The following CSMD1 variants were observed in gnomAD, a reference collection of about 807,000 sequenced individuals.
The protein encoded by CSMD1 is CUB and sushi domain-containing protein 1.
Under a neutral mutation model 417.5 loss-of-function variants are expected in CSMD1, and 213 were observed. The ratio of observed to expected loss-of-function variants is 0.51; its 90% CI spans 0.46 to 0.57. The LOEUF is 0.57. Among genes scored for constraint, CSMD1 ranks in the 20% least tolerant of loss-of-function variants. The pLI is 0.00. For synonymous variants in CSMD1, 2,862 were observed against 1,736.8 expected (o/e 1.65, Z -16.11); for missense variants, 6,923 against 4,529.7 (o/e 1.53, Z -15.17).
At chr8:4,947,039 A>G (rs1808416300) in intron 1 of CSMD1, among the ~76,000 whole-genome samples, 1 of 152,206 alleles carries the variant, frequency 6.6e-6, no homozygotes, top group African/African-American at 2.4e-5. Context: ...TTCTTTTACC[A>G]GTAGTATTGT....
At position 4,671,339 on chromosome 8, in the gene CSMD1, T is replaced by C. The variant is rs565313647; in HGVS notation, c.86-33781A>G. ...CTTTATTCTTGTTTTTTAAACCTAA[T>C]TGATGCTGTTTATCTACTTAAAAAA... On this transcript the variant is annotated intron_variant, in intron 1 of 69. Coordinates refer to ENST00000635120, the MANE Select transcript of CSMD1 (RefSeq NM_033225.6). Among the ~76,000 whole-genome samples, 83 of 152,204 alleles carry C rather than the reference T, an allele frequency of 5.5e-4. 1 individual carries two copies. The South Asian group carries it at 0.017, about 30-fold the overall frequency.
At chr8:3,884,693 A>G (rs1806435714) in intron 5 of CSMD1, among the ~76,000 whole-genome samples, 1 of 152,100 alleles carries the variant, frequency 6.6e-6, no homozygotes, top group African/African-American at 2.4e-5. Context: ...TAATTTTAGT[A>G]CTAACTCAAC....
intron 8 of CSMD1, chr8:3,613,330 C>A: frequency 2.4e-6 from 1 of 413,612 alleles, no homozygotes; most frequent in South Asian, 1.8e-5. Context: ...TTATTCCAAA[C>A]ATTTAGCAAT....
At chr8:3,892,349 C>T (rs1199593038) in intron 5 of CSMD1, among the ~76,000 whole-genome samples, 1 of 152,070 alleles carries the variant, frequency 6.6e-6, no homozygotes, top group East Asian at 1.9e-4. Context: ...TTCAAGAAGA[C>T]GTGTGGGGAA....
At chr8:3,252,212 T>A (rs944607820) in intron 26 of CSMD1, among the ~76,000 whole-genome samples, 3 of 152,184 alleles carry the variant, frequency 2.0e-5, no homozygotes, top group African/African-American at 7.2e-5. Flanking sequence ...CATAGATAGC[T>A]CTTATTATTT....
rs563741305 is a variant in CSMD1, at chr8:3,385,142, AATAT to A, written c.2782+2348_2782+2351del. 3.2e-4 allele frequency among the ~76,000 whole-genome samples: 43 copies of A among 135,138 alleles called. No individual in the cohort carries two copies. In the South Asian group the frequency reaches 6.9e-3, roughly 22 times the overall value. The allele number at this position is 135,138 out of a possible 152,430, so 88.7% of individuals were successfully genotyped here. On this transcript the variant is annotated intron_variant, in intron 18 of 69. Transcript: ENST00000635120. ...TATAATATATAAATATATAATACAT[AATAT>A]ATAAATATATAATACATAATATATA...
At chr8:4,168,530 G>C (rs189295995) in intron 3 of CSMD1, among the ~76,000 whole-genome samples, 3 of 152,140 alleles carry the variant, frequency 2.0e-5, no homozygotes, top group Admixed American at 2.0e-4. Flanking sequence ...ATAAGTTACA[G>C]ACACAGAACA....
intron 2 of CSMD1, among the ~76,000 whole-genome samples, chr8:4,484,250 G>T (rs547074038): frequency 5.3e-5 from 8 of 151,762 alleles, no homozygotes; most frequent in African/African-American, 1.7e-4. Context: ...AAATTCTATG[G>T]AAGGATTTTC....
At chr8:3,407,435 G>C (rs1812420508) in intron 14 of CSMD1, among the ~76,000 whole-genome samples, 1 of 149,514 alleles carries the variant, frequency 6.7e-6, no homozygotes, top group South Asian at 2.1e-4. Flanking sequence ...ATGGATAGAT[G>C]GAAGGATGGA....
intron 2 of CSMD1, among the ~76,000 whole-genome samples, chr8:4,494,711 A>T (rs1801892862): frequency 6.6e-6 from 1 of 152,144 alleles, no homozygotes; most frequent in Non-Finnish European, 1.5e-5. Context: ...AATTCCAGTC[A>T]GTTGGGTTAA....
rs149805751 is a variant in CSMD1, at chr8:4,439,348, G to C, written c.303-19283C>G. Among the ~76,000 whole-genome samples, 1,075 of 152,130 alleles carry C rather than the reference G, an allele frequency of 7.1e-3. 16 individuals carry two copies. Among genetic ancestry groups the C allele is most frequent in the African/African-American group, 0.024 (1,009 of 41,514 alleles). On this transcript the variant is annotated intron_variant, in intron 2 of 69. Transcript: ENST00000635120. ...TTAAATATAATTATTCAAAATTAAA[G>C]AAATTGTGAGATATTACTATACAAC... is the stretch of plus-strand genomic sequence containing the variant.
At chr8:4,831,450 C>T (rs1800142422) in intron 1 of CSMD1, among the ~76,000 whole-genome samples, 1 of 152,202 alleles carries the variant, frequency 6.6e-6, no homozygotes, top group African/African-American at 2.4e-5. Flanking sequence ...GGAGTACATT[C>T]TATGTGCCAA....
intron 26 of CSMD1, among the ~76,000 whole-genome samples, chr8:3,267,937 A>C (rs1043043266): frequency 2.6e-5 from 4 of 152,098 alleles, no homozygotes; most frequent in African/African-American, 9.7e-5. Flanking sequence ...AGAGCCTCAG[A>C]AATGAGGATT....
intron 10 of CSMD1, 23 bp downstream of exon 10, chr8:3,574,922 A>G (rs1196509282): frequency 6.2e-7 from 1 of 1,610,330 alleles, no homozygotes; most frequent in Non-Finnish European, 8.5e-7. Flanking sequence ...CATTAACCAC[A>G]GGGGTTGGAG....
intron 1 of CSMD1, among the ~76,000 whole-genome samples, chr8:4,866,576 A>G (rs372825634): frequency 3.3e-5 from 5 of 151,938 alleles, no homozygotes; most frequent in African/African-American, 1.2e-4. Context: ...AGAGAAGCTC[A>G]GCTCTTTCCC....
chr8:3,895,749 T>C (rs141628949), intron 5 of CSMD1, among the ~76,000 whole-genome samples: 6 of 152,352 alleles, frequency 3.9e-5, no homozygotes, highest in Admixed American at 1.3e-4. Flanking sequence ...TATTCATTCC[T>C]AATTCAGTCA....
intron 41 of CSMD1, among the ~76,000 whole-genome samples, chr8:3,125,606 C>T (rs531121749): frequency 6.6e-6 from 1 of 152,330 alleles, no homozygotes; most frequent in East Asian, 1.9e-4. Context: ...CATCCCCATA[C>T]TGGGCAATTC....
At chr8:3,576,036 T>C (rs1800137402) in intron 9 of CSMD1, among the ~76,000 whole-genome samples, 1 of 152,118 alleles carries the variant, frequency 6.6e-6, no homozygotes, top group East Asian at 1.9e-4. Flanking sequence ...GACAAAAATT[T>C]TTCATAGGAA....
intron 5 of CSMD1, among the ~76,000 whole-genome samples, chr8:3,946,232 G>C (rs1174678439): frequency 6.6e-6 from 1 of 152,128 alleles, no homozygotes; most frequent in South Asian, 2.1e-4. Flanking sequence ...CTTCCAAGTT[G>C]TATGCATCTT....
Sources: gnomAD v4.1 joint callset for allele counts (sites outside exome capture counted in the v4.1 genomes callset) on GRCh38, gnomAD v4.1.1 for gene constraint, MANE v1.5 for transcripts, NCBI Gene and HGNC (gene_info 2026-07-23, HGNC 2026-07-21) for gene names.